The following KCTD8 variants were observed in gnomAD, a reference collection of about 807,000 sequenced individuals.
The protein encoded by KCTD8 is potassium channel tetramerization domain containing 8.
In KCTD8, 27 loss-of-function variants were observed where a neutral mutation model predicts 31.5. The observed-to-expected ratio is 0.86, with a 90% CI of 0.63 to 1.18. KCTD8 has a LOEUF of 1.18. Ranked by LOEUF, KCTD8 falls within the 50% of genes most tolerant of loss-of-function variation. The pLI, the probability that KCTD8 is intolerant of heterozygous loss-of-function variation, is 0.00. For synonymous variants in KCTD8, 290 were observed against 280.0 expected, an observed-to-expected ratio of 1.04 and a Z score of -0.36; for missense variants, 658 against 647.7, an observed-to-expected ratio of 1.02 and a Z score of -0.17.
intron 1 of KCTD8, among the ~76,000 whole-genome samples, chr4:44,179,910 G>A (rs2109329403): frequency 6.6e-6 from 1 of 152,196 alleles, no homozygotes; most frequent in South Asian, 2.1e-4. Context: ...TACTCTAGTT[G>A]CCCAGTTTTC....
intron 1 of KCTD8, among the ~76,000 whole-genome samples, chr4:44,223,102 G>A (rs899699219): frequency 6.6e-6 from 1 of 152,216 alleles, no homozygotes; most frequent in African/African-American, 2.4e-5. Flanking sequence ...AAAAATGATA[G>A]TAGAGTGAAA....
intron 1 of KCTD8, among the ~76,000 whole-genome samples, chr4:44,352,843 A>C (rs188765425): frequency 6.6e-6 from 1 of 151,980 alleles, no homozygotes; most frequent in Non-Finnish European, 1.5e-5. Context: ...ATTCAATCTG[A>C]CCACACTAGA....
rs74852926 is a variant in KCTD8, at chr4:44,313,961, A to T, written c.961+133602T>A. Among the ~76,000 whole-genome samples, 1,172 of 152,340 alleles carry T rather than the reference A, an allele frequency of 7.7e-3. 14 individuals are homozygous for T. Among genetic ancestry groups the T allele is most frequent in the African/African-American group, 0.027 (1,119 of 41,592 alleles). On this transcript the variant is annotated intron_variant, in intron 1 of 1. Coordinates refer to ENST00000360029, the MANE Select transcript of KCTD8 (RefSeq NM_198353.3). The stretch of plus-strand genomic sequence containing the variant: ...TGTGCAAAGAACAGAGTCATGAGAG[A>T]TAAGGCTCAAGAGGTAAATCAGTGG...
At chr4:44,375,143 C>T (rs1023938641) in intron 1 of KCTD8, among the ~76,000 whole-genome samples, 15 of 152,102 alleles carry the variant, frequency 9.9e-5, no homozygotes, top group Middle Eastern at 3.4e-3. Context: ...ATTATTTCCA[C>T]GAAGCAAAGG....
chr4:44,201,940 C>T (rs1714163155), intron 1 of KCTD8, among the ~76,000 whole-genome samples: 1 of 151,968 alleles, frequency 6.6e-6, no homozygotes, highest in South Asian at 2.1e-4. Context: ...TTAAACAAAT[C>T]AACAAGCAAA....
At chr4:44,266,441 G>C (rs993703182) in intron 1 of KCTD8, among the ~76,000 whole-genome samples, 1 of 152,148 alleles carries the variant, frequency 6.6e-6, no homozygotes, top group Non-Finnish European at 1.5e-5. Flanking sequence ...GCAAAAACAT[G>C]CCAAAATGTA....
chr4:44,233,512 T>A (rs1715182573), intron 1 of KCTD8, among the ~76,000 whole-genome samples: 1 of 152,184 alleles, frequency 6.6e-6, no homozygotes, highest in South Asian at 2.1e-4. Flanking sequence ...AATCCCTGAC[T>A]TCATTAAGAT....
At chr4:44,241,298 G>GT (rs1445126389) in intron 1 of KCTD8, among the ~76,000 whole-genome samples, 9 of 152,132 alleles carry the variant, frequency 5.9e-5, no homozygotes, top group Non-Finnish European at 1.2e-4. Context: ...AGAAAATTCG[G>GT]TTTTTCTGGA....
intron 1 of KCTD8, among the ~76,000 whole-genome samples, chr4:44,218,574 CTA>C (rs1237643692): frequency 2.0e-5 from 3 of 148,024 alleles, no homozygotes; most frequent in Non-Finnish European, 4.5e-5. Flanking sequence ...AAATATATAT[CTA>C]TATATATAAA....
chr4:44,349,924 T>C (rs10517103), intron 1 of KCTD8, among the ~76,000 whole-genome samples: 10,938 of 152,262 alleles, frequency 0.072, 461 homozygotes, highest in South Asian at 0.11. Context: ...TATTTATAGA[T>C]AGTAGAGACC....
At position 44,174,801 on chromosome 4, in the gene KCTD8, A is replaced by G; in HGVS notation, c.1411T>C (p.Tyr471His). ...RQWQSELLQK[Y>H]GL is the part of the protein sequence containing the mutation. ...GAATGTGACAATTACTATAACCCAT[A>G]CTTCTGCAACAGTTCAGATTGCCAT... Residue 471 changes from tyrosine to histidine, a missense_variant, in exon 2 of 2, where the codon TAT (tyrosine) becomes CAT (histidine). Tyr to His is a moderately conservative substitution (Grantham distance 83). Coordinates refer to ENST00000360029, the MANE Select transcript of KCTD8 (RefSeq NM_198353.3). 6.2e-7 allele frequency: 1 copy of G among 1,603,776 alleles called. No homozygotes were observed. Among genetic ancestry groups the G allele is most frequent in the Non-Finnish European group, 8.5e-7 (1 of 1,174,684 alleles).
intron 1 of KCTD8, among the ~76,000 whole-genome samples, chr4:44,268,541 C>A (rs1377464243): frequency 6.6e-6 from 1 of 152,044 alleles, no homozygotes; most frequent in Non-Finnish European, 1.5e-5. Context: ...AAGTTCTGGC[C>A]AGGGCAATTA....
chr4:44,183,803 C>T (rs541049945), intron 1 of KCTD8, among the ~76,000 whole-genome samples: 1 of 151,918 alleles, frequency 6.6e-6, no homozygotes, highest in African/African-American at 2.4e-5. Context: ...GATGATAAAA[C>T]ATGATAGGTA....
chr4:44,416,833 T>G (rs191479696), intron 1 of KCTD8, among the ~76,000 whole-genome samples: 1 of 152,338 alleles, frequency 6.6e-6, no homozygotes, highest in Admixed American at 6.5e-5. Context: ...TATTTCCTTA[T>G]AGCAATGCAA....
intron 1 of KCTD8, among the ~76,000 whole-genome samples, chr4:44,245,263 C>G (rs1312416598): frequency 6.6e-6 from 1 of 151,984 alleles, no homozygotes; most frequent in Non-Finnish European, 1.5e-5. Flanking sequence ...ATCTAATAGT[C>G]CTCAGCATGT....
rs1256389257 is a variant in KCTD8 at position 44,181,765 on chromosome 4, A to C, written c.962-6515T>G. Among the ~76,000 whole-genome samples the C allele has an allele frequency of 2.8e-5, 4 of 140,520 alleles. No homozygotes were observed. In the East Asian group the frequency reaches 6.6e-4, roughly 23 times the overall value. The allele number at this position is 140,520 out of a possible 152,430, so 92.2% of individuals were successfully genotyped here. ...GCTGCCCAGTCTGGGAAGTGAGGAG[A>C]GCCTCTTCCCGGCCGCCATCCCATC... On this transcript the variant is annotated intron_variant, in intron 1 of 1. Transcript: ENST00000360029.
At chr4:44,194,406 T>C (rs1188242321) in intron 1 of KCTD8, among the ~76,000 whole-genome samples, 1 of 152,208 alleles carries the variant, frequency 6.6e-6, no homozygotes, top group African/African-American at 2.4e-5. Flanking sequence ...AAAGATGTAC[T>C]GGTAACACCT....
rs766947923 is a variant in KCTD8, at chr4:44,448,104, G to A, written c.420C>T (p.Thr140=). Residue 140 remains threonine (T), a synonymous_variant, in exon 1 of 2, where the codon ACC becomes ACT. Transcript: ENST00000360029. This position sits in a 1 kb window ranked among gnomAD's most constrained non-coding sequence, Gnocchi z 4.1. ...LLREAEYFQL[T]DLVKLLSPKV... ...TGGGCGACAGCAGCTTGACCAAGTCGGTGAGCTGGAAATACTCGGCCTCGC... is the reference window on the plus strand; with the variant it reads ...TGGGCGACAGCAGCTTGACCAAGTCAGTGAGCTGGAAATACTCGGCCTCGC... The A allele has an allele frequency of 9.9e-6, 16 of 1,612,498 alleles. No individual in the cohort carries two copies. The Admixed American group carries it at 2.3e-4, about 24-fold the overall frequency.
intron 1 of KCTD8, among the ~76,000 whole-genome samples, chr4:44,394,949 G>T (rs913893816): frequency 6.6e-6 from 1 of 152,074 alleles, no homozygotes; most frequent in African/African-American, 2.4e-5. Context: ...TTTCCTTCAT[G>T]ATGGTCCTTC....
Sources: gnomAD v4.1 joint callset for allele counts (sites outside exome capture counted in the v4.1 genomes callset) on GRCh38, gnomAD v4.1.1 for gene constraint, Gnocchi (gnomAD v3.1) non-coding constraint, MANE v1.5 for transcripts, NCBI Gene and HGNC (gene_info 2026-07-23, HGNC 2026-07-21) for gene names.